The following DMXL2 variants were observed in gnomAD, a reference collection of about 807,000 sequenced individuals.
The protein encoded by DMXL2 is Dmx like 2.
A neutral mutation model predicts 331.1 loss-of-function variants in DMXL2; 103 were observed. The ratio of observed to expected loss-of-function variants is 0.31; its 90% CI spans 0.27 to 0.37. DMXL2 has a LOEUF of 0.37. Ranked by LOEUF, DMXL2 falls within the 10% of genes least tolerant of loss-of-function variation. The pLI is 1.00. For synonymous variants in DMXL2, 1,281 were observed against 1,252.1 expected, an observed-to-expected ratio of 1.02 and a Z score of -0.49; for missense variants, 3,171 against 3,642.9, an observed-to-expected ratio of 0.87 and a Z score of 3.33.
At position 51,617,799 on chromosome 15, in the gene DMXL2, T is replaced by C. The variant is rs77071136; in HGVS notation, c.87+4660A>G. On this transcript the variant is annotated intron_variant, in intron 1 of 43. Transcript: ENST00000560891. Reference sequence around the variant, plus strand: ...CAAGTAGTTGGTCTCTGACCTCCCATTTTTGGGGAAGACATTATTCAGAAC... The same window carrying C: ...CAAGTAGTTGGTCTCTGACCTCCCACTTTTGGGGAAGACATTATTCAGAAC... 3.0e-3 allele frequency among the ~76,000 whole-genome samples: 454 copies of C among 152,296 alleles called. 13 individuals are homozygous for C. In the East Asian group the frequency reaches 0.076, roughly 26 times the overall value.
intron 29 of DMXL2, among the ~76,000 whole-genome samples, chr15:51,467,363 C>T (rs1000509397): frequency 7.9e-5 from 12 of 151,796 alleles, no homozygotes; most frequent in African/African-American, 2.9e-4. Context: ...AATTTTAAAG[C>T]AAATAAACTA....
At position 51,502,837 on chromosome 15, in the gene DMXL2, T is replaced by C. The variant is rs1335849263; in HGVS notation, c.2961A>G (p.Ser987=). ...AAGGCGTTGCTCTTATTACTTCAAC[T>C]GATTCTGGGAGATCAAGGGGTTGGC... ...VYSQPLDLPE[S]VEVIRATPSA... is the part of the protein sequence containing the mutation. Residue 987 remains serine (S), a synonymous_variant, in exon 17 of 44, where the codon TCA becomes TCG. Coordinates refer to ENST00000560891, the MANE Select transcript of DMXL2 (RefSeq NM_001378457.1). The C allele has an allele frequency of 6.2e-7, 1 of 1,614,034 alleles. No homozygotes were observed. The highest frequency in any genetic ancestry group is 8.5e-7 in the Non-Finnish European group (1 of 1,180,000).
chr15:51,589,188 T>C (rs2052098042), intron 1 of DMXL2, among the ~76,000 whole-genome samples: 1 of 151,828 alleles, frequency 6.6e-6, no homozygotes, highest in South Asian at 2.1e-4. Context: ...CCAGAAAGAG[T>C]GGAGCTGAAA....
chr15:51,536,762 T>C lies in DMXL2; in HGVS notation c.1718A>G (p.Asp573Gly). ...CTGGTGTAACAGCGTGTGGTGAGAA[T>C]CTTTTGTCGCATTTATACAGGCATA... ...MMYACINATK[D>G]SHHTLLHQEG... Residue 573 changes from aspartate to glycine, a missense_variant, in exon 12 of 44, where the codon GAT (aspartate) becomes GGT (glycine). By Grantham distance (94) the Asp-to-Gly change is moderately conservative (BLOSUM62 -1). Around this residue, in one of 7 missense-constraint regions of DMXL2, gnomAD observed 1,674 missense variants for 1,780.2 expected, o/e 0.94. Coordinates refer to ENST00000560891, the MANE Select transcript of DMXL2 (RefSeq NM_001378457.1). The C allele has an allele frequency of 6.2e-7, 1 of 1,614,070 alleles. No homozygotes were observed. The highest frequency in any genetic ancestry group is 8.5e-7 in the Non-Finnish European group (1 of 1,180,000).
At chr15:51,467,729 C>CT (rs71873179) in intron 29 of DMXL2, among the ~76,000 whole-genome samples, 34,418 of 142,990 alleles carry the variant, frequency 0.24, 4,402 homozygotes, top group African/African-American at 0.29. Flanking sequence ...CCTAGTACTT[C>CT]TTTTTTTTTT....
chr15:51,471,445 C>A, intron 28 of DMXL2, 44 bp from the exon 29 acceptor site: 1 of 1,532,100 alleles, frequency 6.5e-7, no homozygotes, highest in African/African-American at 1.4e-5. Context: ...ATTCATTTTC[C>A]ATTGTTAATT....
Position 51,583,472 on chromosome 15 carries a change from C to T in DMXL2, c.88-7291G>A, listed in dbSNP as rs376563943. On this transcript the variant is annotated intron_variant, in intron 1 of 43. Transcript: ENST00000560891. ...GATATGAACTCATCATTTTTTATGG[C>T]TGCATAGTATTCCATGGTGTATATG... Among the ~76,000 whole-genome samples the T allele has an allele frequency of 3.3e-3, 138 of 41,438 alleles. 11 individuals are homozygous for T. The South Asian group carries it at 0.12, about 37-fold the overall frequency. 27.2% of individuals were successfully genotyped at this position (41,438 alleles called of 152,430 possible).
chr15:51,480,369 C>G (rs1455712365), intron 24 of DMXL2, among the ~76,000 whole-genome samples, 173 bp downstream of exon 24: 2 of 152,140 alleles, frequency 1.3e-5, no homozygotes, highest in Non-Finnish European at 2.9e-5. Context: ...TCCTTATTAT[C>G]AAAACTTCAG....
In DMXL2 at chr15:51,622,698, C is replaced by T; in HGVS notation, c.-153G>A. 1.1e-5 allele frequency: 15 copies of T among 1,384,606 alleles called. No individual in the cohort carries two copies. Among genetic ancestry groups the T allele is most frequent in the Non-Finnish European group, 1.3e-5 (14 of 1,054,366 alleles). 85.8% of individuals were successfully genotyped at this position (1,384,606 alleles called of 1,614,324 possible). Reference sequence around the variant, plus strand: ...TAACTCCTCGCCCCCCTTTCGCCTTCCCTCCGCCTCGTCCCTGCCATGGGA... The same window carrying T: ...TAACTCCTCGCCCCCCTTTCGCCTTTCCTCCGCCTCGTCCCTGCCATGGGA... On this transcript the variant is annotated 5_prime_UTR_variant, in exon 1 of 44. Transcript: ENST00000560891.
intron 13 of DMXL2, among the ~76,000 whole-genome samples, chr15:51,532,398 T>C (rs1202378569): frequency 6.6e-6 from 1 of 152,110 alleles, no homozygotes; most frequent in Non-Finnish European, 1.5e-5. Flanking sequence ...CGTAAGGGAT[T>C]GGCAGGGAGG....
intron 6 of DMXL2, among the ~76,000 whole-genome samples, chr15:51,550,767 T>C (rs2049167092): frequency 6.6e-6 from 1 of 152,134 alleles, no homozygotes; most frequent in South Asian, 2.1e-4. Context: ...AAACCAATTC[T>C]TAAACTAAAG....
intron 1 of DMXL2, among the ~76,000 whole-genome samples, chr15:51,585,440 C>T (rs981864416): frequency 3.3e-5 from 5 of 152,072 alleles, no homozygotes; most frequent in African/African-American, 4.8e-5. Context: ...AATAGCTGCA[C>T]AGTATTAGTA....
intron 1 of DMXL2, among the ~76,000 whole-genome samples, chr15:51,582,627 C>T (rs17609791): frequency 0.48 from 72,535 of 151,900 alleles, 17,693 homozygotes; most frequent in Non-Finnish European, 0.52. Context: ...CTAATTAAAA[C>T]CCTAGCTCTT....
chr15:51,469,928 A>C (rs1016662719), intron 29 of DMXL2, among the ~76,000 whole-genome samples: 6 of 152,326 alleles, frequency 3.9e-5, no homozygotes, highest in Admixed American at 3.9e-4. Context: ...ATCTGCACTC[A>C]CAATGTGCCT....
chr15:51,616,795 G>A (rs984142912), intron 1 of DMXL2, among the ~76,000 whole-genome samples: 18 of 152,014 alleles, frequency 1.2e-4, no homozygotes, highest in African/African-American at 3.9e-4. Context: ...AAATTAGCCT[G>A]GCATGGTGGC....
At chr15:51,547,196 T>C (rs935710770) in intron 7 of DMXL2, 34 bp downstream of exon 7, 11 of 1,525,934 alleles carry the variant, frequency 7.2e-6, no homozygotes, top group Non-Finnish European at 8.8e-6. Context: ...CATTTAAGGA[T>C]GCAAACTAAA....
intron 1 of DMXL2, among the ~76,000 whole-genome samples, chr15:51,606,621 A>T (rs2053606431): frequency 1.3e-5 from 2 of 152,224 alleles, no homozygotes; most frequent in African/African-American, 4.8e-5. Flanking sequence ...TTAAATTAAA[A>T]TTCCCTTTTG....
Position 51,474,352 on chromosome 15 carries a change from T to G in DMXL2, c.7205A>C (p.Asn2402Thr). The G allele has an allele frequency of 6.2e-7, 1 of 1,605,540 alleles. No individual in the cohort carries two copies. The highest frequency in any genetic ancestry group is 8.5e-7 in the Non-Finnish European group (1 of 1,172,930). The change falls in exon 28 of 44, where the codon AAT becomes ACT. Residue 2402 changes from asparagine to threonine, a missense_variant. Around this residue, in one of 7 missense-constraint regions of DMXL2, gnomAD observed 766 missense variants for 940.5 expected, o/e 0.81. Coordinates refer to ENST00000560891, the MANE Select transcript of DMXL2 (RefSeq NM_001378457.1). ...TATCAAACGTATCTTACCTGAAATA[T>G]TTTCTGATTGTCTTCGAGGTTTCAC... ...LVVKPRRQSE[N>T]ISAPPVLSED...
At chr15:51,580,425 G>A (rs1234109453) in intron 1 of DMXL2, among the ~76,000 whole-genome samples, 2 of 152,122 alleles carry the variant, frequency 1.3e-5, no homozygotes, top group Non-Finnish European at 2.9e-5. Context: ...ATAGGCCACA[G>A]GATTATTATA....
Sources: gnomAD v4.1 joint callset for allele counts (sites outside exome capture counted in the v4.1 genomes callset) on GRCh38, gnomAD v4.1.1 for gene constraint, gnomAD v4.1.1 regional missense constraint, MANE v1.5 for transcripts, NCBI Gene and HGNC (gene_info 2026-07-23, HGNC 2026-07-21) for gene names.